The following KDM4C variants were observed in gnomAD, a reference collection of about 807,000 sequenced individuals.
KDM4C encodes lysine demethylase 4C.
In KDM4C, 81 loss-of-function variants were observed where a neutral mutation model predicts 129.3. The observed-to-expected ratio is 0.63, with a 90% CI of 0.52 to 0.75. The LOEUF (loss-of-function observed/expected upper bound fraction) is 0.75. Among genes scored for constraint, KDM4C ranks in the 30% least tolerant of loss-of-function variants. The probability of loss-of-function intolerance (pLI) is 0.00; values close to 1 mark genes in which losing one functional copy is unlikely to be tolerated. For missense variants in KDM4C, 1,457 were observed against 1,304.0 expected (o/e 1.12, Z -1.81); for synonymous variants, 573 against 456.1 (o/e 1.26, Z -3.26).
At chr9:6,783,647 T>G (rs1381124398) in intron 1 of KDM4C, among the ~76,000 whole-genome samples, 5 of 151,880 alleles carry the variant, frequency 3.3e-5, no homozygotes, top group Non-Finnish European at 7.4e-5. Flanking sequence ...TTCCAGAGAG[T>G]GCAGTGACCA....
At chr9:6,733,706 G>A (rs1489078570) in intron 1 of KDM4C, among the ~76,000 whole-genome samples, 1 of 152,200 alleles carries the variant, frequency 6.6e-6, no homozygotes, top group African/African-American at 2.4e-5. Context: ...AAGCAAGTTT[G>A]TTAAGAAAGT....
intron 8 of KDM4C, among the ~76,000 whole-genome samples, chr9:6,918,830 A>G (rs1205612070): frequency 1.3e-5 from 2 of 151,290 alleles, no homozygotes; most frequent in Non-Finnish European, 2.9e-5. Context: ...TCTTCTTTTG[A>G]GAAGGCTCTG....
intron 19 of KDM4C, among the ~76,000 whole-genome samples, chr9:7,161,004 C>A (rs1843724447): frequency 6.6e-6 from 1 of 152,192 alleles, no homozygotes; most frequent in South Asian, 2.1e-4. Flanking sequence ...AGCTTCCCAG[C>A]CGCTTTGTTT....
chr9:7,107,366 A>G (rs1196502480), intron 18 of KDM4C, among the ~76,000 whole-genome samples: 1 of 152,218 alleles, frequency 6.6e-6, no homozygotes, highest in Admixed American at 6.5e-5. Context: ...CTACCTATAC[A>G]CTATATACTT....
chr9:6,951,147 T>C (rs1445548802), intron 8 of KDM4C, among the ~76,000 whole-genome samples: 1 of 152,204 alleles, frequency 6.6e-6, no homozygotes, highest in Admixed American at 6.5e-5. Flanking sequence ...ATACCCATCA[T>C]CTCAAACACT....
chr9:6,914,172 G>A (rs766500907), intron 8 of KDM4C, among the ~76,000 whole-genome samples: 1 of 152,278 alleles, frequency 6.6e-6, no homozygotes, highest in South Asian at 2.1e-4. Flanking sequence ...CGATTCTCCT[G>A]CCTCAGCCTC....
At chr9:6,878,458 A>G (rs931705410) in intron 5 of KDM4C, among the ~76,000 whole-genome samples, 19 of 152,234 alleles carry the variant, frequency 1.2e-4, no homozygotes, top group Non-Finnish European at 2.4e-4. Flanking sequence ...ATAATAGGCC[A>G]GTAAGCCTAC....
intron 12 of KDM4C, among the ~76,000 whole-genome samples, chr9:7,009,391 C>T (rs971999236): frequency 6.6e-6 from 1 of 152,136 alleles, no homozygotes; most frequent in African/African-American, 2.4e-5. Flanking sequence ...CAATTAATTG[C>T]TCAAGTGCTT....
At chr9:7,086,083 A>C (rs926513353) in intron 17 of KDM4C, among the ~76,000 whole-genome samples, 3 of 152,100 alleles carry the variant, frequency 2.0e-5, no homozygotes, top group Non-Finnish European at 4.4e-5. Flanking sequence ...GCTTGAACCC[A>C]GGAGGCGGAG....
chr9:7,114,186 G>T (rs1474388576), intron 18 of KDM4C, among the ~76,000 whole-genome samples: 1 of 152,080 alleles, frequency 6.6e-6, no homozygotes, highest in East Asian at 1.9e-4. Context: ...CTTTAGGCCT[G>T]GTTCATGGTA....
chr9:6,782,121 G>A (rs569856468), intron 1 of KDM4C, among the ~76,000 whole-genome samples: 1 of 152,300 alleles, frequency 6.6e-6, no homozygotes, highest in East Asian at 1.9e-4. Flanking sequence ...ACCATGCCTG[G>A]CCTGGTTATA....
intron 8 of KDM4C, among the ~76,000 whole-genome samples, chr9:6,933,428 A>G (rs62533787): frequency 0.26 from 38,979 of 152,170 alleles, 5,445 homozygotes; most frequent in South Asian, 0.4. Flanking sequence ...ATAAAACAGC[A>G]TTAGGAAAGC....
chr9:7,002,550 G>C (rs1406920081), intron 12 of KDM4C, among the ~76,000 whole-genome samples: 5 of 152,026 alleles, frequency 3.3e-5, no homozygotes, highest in Admixed American at 6.6e-5. Context: ...TCTTTGATTT[G>C]ATGCTCAGAA....
chr9:7,016,182 C>T (rs1393213715), intron 15 of KDM4C, among the ~76,000 whole-genome samples: 8 of 151,512 alleles, frequency 5.3e-5, no homozygotes, highest in Non-Finnish European at 1.2e-4. Context: ...GGCTAGAGTG[C>T]AGTGGCAAGA....
At chr9:6,925,434 C>T in intron 8 of KDM4C, 1 of 929,818 alleles carries the variant, frequency 1.1e-6, no homozygotes, top group South Asian at 5.0e-5. Context: ...CCTCCTTTCC[C>T]CTTTTCCTCT....
At chr9:7,012,198 C>T (rs1822841417) in intron 13 of KDM4C, among the ~76,000 whole-genome samples, 2 of 152,190 alleles carry the variant, frequency 1.3e-5, no homozygotes. Context: ...TCCACAGTAG[C>T]TACGACTATA....
intron 5 of KDM4C, among the ~76,000 whole-genome samples, chr9:6,867,677 A>G (rs562830201): frequency 5.3e-5 from 8 of 152,294 alleles, no homozygotes; most frequent in South Asian, 2.1e-4. Flanking sequence ...ATGATTTTAT[A>G]TGTTTTTCCA....
intron 8 of KDM4C, among the ~76,000 whole-genome samples, chr9:6,942,157 C>A (rs1455750595): frequency 2.6e-5 from 4 of 152,122 alleles, no homozygotes; most frequent in Non-Finnish European, 5.9e-5. Context: ...AGAGCAATAA[C>A]TTTAAGATAA....
rs186357076 is a variant in KDM4C at position 7,147,778 on chromosome 9, G to A, written c.2782-17460G>A. 7.2e-3 allele frequency among the ~76,000 whole-genome samples: 1,098 copies of A among 152,304 alleles called. 8 individuals carry two copies. The highest frequency in any genetic ancestry group is 0.011 in the Non-Finnish European group (717 of 68,006). ...CTCTGCTAATTAGCTGTGCAACCAG[G>A]CAAGGGAGTTGACACCAGTTACCTT... On this transcript the variant is annotated intron_variant, in intron 19 of 21. Transcript: ENST00000381309.
Sources: allele counts gnomAD v4.1 joint callset (sites outside exome capture counted in the v4.1 genomes callset), GRCh38; gene constraint gnomAD v4.1.1; transcripts MANE v1.5; gene names NCBI Gene and HGNC (gene_info 2026-07-23, HGNC 2026-07-21).